Variants in ADGRL1 observed in about 807,000 individuals in gnomAD.
ADGRL1 encodes the protein CIRL-1.
ADGRL1 carries 31 observed loss-of-function variants against 148.9 expected under a neutral mutation model. The ratio of observed to expected loss-of-function variants is 0.21; its 90% CI spans 0.16 to 0.28. The LOEUF is 0.28. Ranked by LOEUF, ADGRL1 falls within the 10% of genes least tolerant of loss-of-function variation. ADGRL1 has a pLI of 1.00. For synonymous variants in ADGRL1, 937 were observed against 900.3 expected (o/e 1.04, Z -0.73); for missense variants, 1,521 against 2,058.8 (o/e 0.74, Z 5.05).
At position 14,151,056 on chromosome 19, in the gene ADGRL1, G is replaced by T; in HGVS notation, c.4227C>A (p.Pro1409=). ...AGATTTCGGGGGGGCCGGGGGGTGC[G>T]GGAGGGGGTGGGGGCAGGGCCTCAC... ...GPSEALPPPP[P]APPGPPEIYY... is the part of the protein sequence containing the mutation. Residue 1409 remains proline, a synonymous_variant, in exon 23 of 23, where the codon CCC becomes CCA. Coordinates refer to ENST00000361434, the MANE Select transcript of ADGRL1 (RefSeq NM_014921.5). 6.7e-7 allele frequency: 1 copy of T among 1,491,920 alleles called. No individual in the cohort carries two copies. The highest frequency in any genetic ancestry group is 1.3e-5 in the South Asian group (1 of 75,642). 92.4% of individuals were successfully genotyped at this position (1,491,920 alleles called of 1,614,324 possible).
At chr19:14,173,821 C>A (rs1445950399) in intron 3 of ADGRL1, among the ~76,000 whole-genome samples, 1 of 151,672 alleles carries the variant, frequency 6.6e-6, no homozygotes, top group Non-Finnish European at 1.5e-5. Context: ...GTGGTGCATG[C>A]TTGTAGTCCC....
At chr19:14,194,396 G>A (rs1452538227) in intron 1 of ADGRL1, among the ~76,000 whole-genome samples, 1 of 151,426 alleles carries the variant, frequency 6.6e-6, no homozygotes, top group Admixed American at 6.6e-5. Context: ...ACAGGAAACA[G>A]CAAACGACAG....
chr19:14,147,765 T>C lies in ADGRL1; in HGVS notation c.*3108A>G, dbSNP rs995923623. 6.6e-6 allele frequency: 1 copy of C among 152,464 alleles called. No individual in the cohort carries two copies. The highest frequency in any genetic ancestry group is 2.4e-5 in the African/African-American group (1 of 41,460). The allele number at this position is 152,464 out of a possible 1,614,324, so 9.4% of individuals were successfully genotyped here. A position where few individuals can be genotyped will look rare whatever the true frequency, so the allele number is the denominator to read the frequency against. The stretch of plus-strand genomic sequence containing the variant: ...TCATTCCAAGAAATCTTAATTTCTT[T>C]ATTGTTTGACTTTTTGACTCAACAA... On this transcript the variant is annotated 3_prime_UTR_variant, in exon 23 of 23. Coordinates refer to ENST00000361434, the MANE Select transcript of ADGRL1 (RefSeq NM_014921.5).
intron 3 of ADGRL1, among the ~76,000 whole-genome samples, chr19:14,175,090 G>T (rs1970729587): frequency 6.6e-6 from 1 of 152,026 alleles, no homozygotes; most frequent in African/African-American, 2.4e-5. Context: ...CGATCCCCCT[G>T]CCTCAGCCTC....
rs1341728238 is a variant in ADGRL1, at chr19:14,161,238, C to T, written c.1510+74G>A. 1.5e-6 allele frequency: 2 copies of T among 1,375,300 alleles called. No individual in the cohort carries two copies. Among genetic ancestry groups the T allele is most frequent in the African/African-American group, 1.5e-5 (1 of 67,484 alleles). The allele number at this position is 1,375,300 out of a possible 1,614,324, so 85.2% of individuals were successfully genotyped here. ...TCTGCTCCGCAGTAGAGACCCCCAC[C>T]CACACATGCATCTGTGCTAAGCTGC... On this transcript the variant is annotated intron_variant, in intron 6 of 22. Transcript: ENST00000361434. The surrounding 1 kb of genome is among the most constrained non-coding windows in gnomAD (Gnocchi z 4.4).
chr19:14,171,121 T>C, intron 3 of ADGRL1: 1 of 230,488 alleles, frequency 4.3e-6, no homozygotes, highest in Non-Finnish European at 8.7e-6. Flanking sequence ...TTCCTCCTAC[T>C]CCAGCCATGT....
chr19:14,188,463 C>T (rs553505232), intron 1 of ADGRL1, among the ~76,000 whole-genome samples: 8 of 152,220 alleles, frequency 5.3e-5, no homozygotes, highest in East Asian at 3.9e-4. Flanking sequence ...ATACTTCCAC[C>T]GGGAACTCCA....
chr19:14,156,573 GGT>G, intron 16 of ADGRL1, 83 bp downstream of exon 16: 1 of 880,608 alleles, frequency 1.1e-6, no homozygotes, highest in South Asian at 1.5e-5. Context: ...GTGTGGGGGG[GGT>G]GGGGGGCGGG....
At chr19:14,192,748 G>A (rs556192981) in intron 1 of ADGRL1, among the ~76,000 whole-genome samples, 3 of 151,934 alleles carry the variant, frequency 2.0e-5, no homozygotes, top group East Asian at 3.9e-4. Context: ...ACGGGGTTTC[G>A]CCATATTGGT....
At chr19:14,153,080 CCT>C (rs995481188) in intron 18 of ADGRL1, among the ~76,000 whole-genome samples, 168 bp from the exon 19 acceptor site, 3 of 152,182 alleles carry the variant, frequency 2.0e-5, no homozygotes, top group South Asian at 2.1e-4. Flanking sequence ...CTTGATGTCC[CCT>C]GTCCCCCAAC....
At chr19:14,166,562 CAGAGAGAGAGAG>C (rs370519604) in intron 4 of ADGRL1, among the ~76,000 whole-genome samples, 10 of 148,160 alleles carry the variant, frequency 6.7e-5, no homozygotes, top group African/African-American at 2.2e-4. Flanking sequence ...AGGGGAGAGA[CAGAGAGAGAGAG>C]AGAGAGAAAG....
At chr19:14,165,632 C>A (rs1332939377) in intron 4 of ADGRL1, among the ~76,000 whole-genome samples, 1 of 151,104 alleles carries the variant, frequency 6.6e-6, no homozygotes, top group Admixed American at 6.6e-5. Context: ...AGTGGTGCCG[C>A]ATCCAAACCA....
At chr19:14,170,818 A>G in intron 3 of ADGRL1, 27 bp from the exon 4 acceptor site, 1 of 1,181,980 alleles carries the variant, frequency 8.5e-7, no homozygotes, top group Non-Finnish European at 1.3e-6. Context: ...GGGCATTGGG[A>G]AAGAAACACA....
intron 1 of ADGRL1, among the ~76,000 whole-genome samples, chr19:14,197,269 C>T (rs1332155757): frequency 2.0e-5 from 3 of 152,040 alleles, no homozygotes; most frequent in Admixed American, 2.0e-4. Context: ...AAGACTCCGT[C>T]TCTAAATAAA....
Position 14,151,359 on chromosome 19 carries a change from C to T in ADGRL1, c.3924G>A (p.Val1308=). The T allele has an allele frequency of 5.6e-6, 9 of 1,599,678 alleles. No homozygotes were observed. The highest frequency in any genetic ancestry group is 7.7e-6 in the Non-Finnish European group (9 of 1,173,992). Residue 1308 remains valine, a synonymous_variant, in exon 23 of 23, where the codon GTG becomes GTA. Transcript: ENST00000361434. The stretch of plus-strand genomic sequence containing the variant: ...CCTCTTCCTCGCCCCCGCCCCCTGG[C>T]ACAGGTGGCACAGGGGGCTCAGGCG... The part of the protein sequence containing the change: ...PPPPEPPVPP[V]PGGGGEEEAG...
At position 14,160,618 on chromosome 19, in the gene ADGRL1, G is replaced by A; in HGVS notation, c.1589C>T (p.Pro530Leu). The change falls in exon 7 of 23, where the codon CCC becomes CTC. Residue 530 changes from proline (P) to leucine (L), a missense_variant. Physicochemically the swap from Pro to Leu is moderately conservative, Grantham distance 98. Transcript: ENST00000361434. This position sits in a 1 kb window ranked among gnomAD's most constrained non-coding sequence, Gnocchi z 5.9. ...RGPDLSNCTS[P>L]WVNQVAQKIK... ...CTTCTGGGCCACCTGGTTGACCCAG[G>A]GGGAGGTGCAGTTGCTGAGGTCAGG... is the stretch of plus-strand genomic sequence containing the variant. The A allele has an allele frequency of 6.2e-7, 1 of 1,611,308 alleles. No individual in the cohort carries two copies. The highest frequency in any genetic ancestry group is 8.5e-7 in the Non-Finnish European group (1 of 1,178,944).
At position 14,152,852 on chromosome 19, in the gene ADGRL1, C is replaced by T. The variant is rs200651279; in HGVS notation, c.3355G>A (p.Gly1119Arg). Residue 1119 changes from glycine to arginine, a missense_variant, in exon 19 of 23, where the codon GGG (glycine) becomes AGG (arginine). Gly to Arg is a moderately radical substitution (Grantham distance 125, BLOSUM62 -2). Transcript: ENST00000361434. The surrounding 1 kb of genome is among the most constrained non-coding windows in gnomAD (Gnocchi z 6.1). ...HSYCCIRSPPGGTHGSLKTSA... is the reference protein window; with the variant it reads ...HSYCCIRSPPRGTHGSLKTSA... ...GTCTTGAGGGATCCGTGAGTGCCCC[C>T]GGGTGGGGAGCGGATGCAGCAGTAG... The T allele has an allele frequency of 8.1e-6, 13 of 1,614,146 alleles. No individual in the cohort carries two copies. Among genetic ancestry groups the T allele is most frequent in the Middle Eastern group, 1.6e-4 (1 of 6,062 alleles).
chr19:14,176,970 C>T (rs1396945223), intron 3 of ADGRL1, among the ~76,000 whole-genome samples: 1 of 151,668 alleles, frequency 6.6e-6, no homozygotes, highest in Admixed American at 6.6e-5. Flanking sequence ...CATCTCATGC[C>T]TGTAATGCCA....
At position 14,152,028 on chromosome 19, in the gene ADGRL1, G is replaced by T; in HGVS notation, c.3667+105C>A. ...TCGGGGGGTGGGGAAATGTGGGCAT[G>T]GGGAGGCATCCCGAGTTCTCCTCCT... is the stretch of plus-strand genomic sequence containing the variant. On this transcript the variant is annotated intron_variant, in intron 22 of 22. Coordinates refer to ENST00000361434, the MANE Select transcript of ADGRL1 (RefSeq NM_014921.5). The surrounding 1 kb of genome is among the most constrained non-coding windows in gnomAD (Gnocchi z 6.1). The T allele has an allele frequency of 1.9e-6, 2 of 1,027,876 alleles. No homozygotes were observed. Among genetic ancestry groups the T allele is most frequent in the East Asian group, 2.4e-5 (1 of 41,578 alleles). The allele number at this position is 1,027,876 out of a possible 1,614,324, so 63.7% of individuals were successfully genotyped here. A position where few individuals can be genotyped will look rare whatever the true frequency, so the allele number is the denominator to read the frequency against.
Sources: allele counts gnomAD v4.1 joint callset (sites outside exome capture counted in the v4.1 genomes callset), GRCh38; gene constraint gnomAD v4.1.1; non-coding constraint Gnocchi (gnomAD v3.1); transcripts MANE v1.5; gene names NCBI Gene and HGNC (gene_info 2026-07-23, HGNC 2026-07-21).